ERBIN: variants seen among roughly 807,000 people sequenced by gnomAD.
ERBIN encodes densin-180-like protein.
ERBIN carries 60 observed loss-of-function variants against 158.4 expected under a neutral mutation model. The ratio of observed to expected loss-of-function variants is 0.38; its 90% CI spans 0.31 to 0.47. The LOEUF (loss-of-function observed/expected upper bound fraction) is 0.47. Among genes scored for constraint, ERBIN ranks in the 20% least tolerant of loss-of-function variants. The pLI is 0.99. For synonymous variants in ERBIN, 594 were observed against 557.2 expected, an observed-to-expected ratio of 1.07 and a Z score of -0.93; for missense variants, 1,610 against 1,648.0, an observed-to-expected ratio of 0.98 and a Z score of 0.40.
Position 65,930,849 on chromosome 5 carries a change from A to C in ERBIN, c.-58+4043A>C, listed in dbSNP as rs190638195. Among the ~76,000 whole-genome samples, 8 of 152,328 alleles carry C rather than the reference A, an allele frequency of 5.3e-5. No homozygotes were observed. In the East Asian group the frequency reaches 1.5e-3, roughly 29 times the overall value. On this transcript the variant is annotated intron_variant, in intron 1 of 25. Coordinates refer to ENST00000284037, the MANE Select transcript of ERBIN (RefSeq NM_001253697.2). ...TTTCAAGTTAGATGTCTTCTCTGAC[A>C]CAGAATCCCTAAAATTTTGAAATTA...
chr5:65,985,527 C>G (rs936872310), intron 1 of ERBIN, among the ~76,000 whole-genome samples: 22 of 152,238 alleles, frequency 1.4e-4, no homozygotes, highest in African/African-American at 5.1e-4. Context: ...GCAATTACAG[C>G]CAAGATTTGT....
chr5:65,959,037 A>G (rs750002889), intron 1 of ERBIN, among the ~76,000 whole-genome samples: 8 of 152,170 alleles, frequency 5.3e-5, no homozygotes, highest in Admixed American at 1.3e-4. Context: ...CTAAGGGTAA[A>G]TTTTTAAAAG....
intron 14 of ERBIN, among the ~76,000 whole-genome samples, chr5:66,035,123 A>G (rs1580420175): frequency 6.6e-6 from 1 of 152,064 alleles, no homozygotes; most frequent in East Asian, 1.9e-4. Flanking sequence ...TGTGCCTTAC[A>G]TGTTTGTGCT....
At chr5:66,004,305 G>A (rs1013272160) in intron 4 of ERBIN, among the ~76,000 whole-genome samples, 6 of 152,088 alleles carry the variant, frequency 3.9e-5, no homozygotes, top group East Asian at 1.9e-4. Flanking sequence ...TATTGAAGTC[G>A]TGATAATTAG....
intron 4 of ERBIN, among the ~76,000 whole-genome samples, chr5:66,009,586 TTTAGAGA>T (rs1753987921): frequency 1.3e-5 from 2 of 152,012 alleles, no homozygotes; most frequent in African/African-American, 2.4e-5. Context: ...TTTCATTGAG[TTTAGAGA>T]TCAGGATAGG....
Position 66,044,327 on chromosome 5 carries a change from G to T in ERBIN, c.1602+17G>T. The T allele has an allele frequency of 1.3e-6, 2 of 1,570,996 alleles. No individual in the cohort carries two copies. The highest frequency in any genetic ancestry group is 8.6e-7 in the Non-Finnish European group (1 of 1,165,824). The stretch of plus-strand genomic sequence containing the variant: ...GGTGTGAAGGTTAGAAAATTCAAAA[G>T]GATTAACCAAAGCCTATTTCAAGTT... On this transcript the variant is annotated intron_variant, in intron 17 of 25. Transcript: ENST00000284037.
intron 7 of ERBIN, among the ~76,000 whole-genome samples, 169 bp downstream of exon 7, chr5:66,014,894 C>T (rs535728800): frequency 2.4e-4 from 37 of 152,194 alleles, no homozygotes; most frequent in African/African-American, 8.9e-4. Flanking sequence ...ATGTATGTGT[C>T]TGTTGTTGGT....
chr5:65,995,517 C>G lies in ERBIN; in HGVS notation c.307+653C>G, dbSNP rs151047074. 1.8e-3 allele frequency among the ~76,000 whole-genome samples: 279 copies of G among 152,052 alleles called. 1 individual carries two copies. Among genetic ancestry groups the G allele is most frequent in the African/African-American group, 6.4e-3 (265 of 41,460 alleles). On this transcript the variant is annotated intron_variant, in intron 4 of 25. Coordinates refer to ENST00000284037, the MANE Select transcript of ERBIN (RefSeq NM_001253697.2). The stretch of plus-strand genomic sequence containing the variant: ...TTGTGTATATCATATTTTCTTCATT[C>G]ATTCATCCGTTGATGGACACTTAGG...
chr5:66,029,950 A>T (rs1444858873), intron 14 of ERBIN, among the ~76,000 whole-genome samples: 10 of 152,088 alleles, frequency 6.6e-5, no homozygotes, highest in Non-Finnish European at 8.8e-5. Context: ...ATTTATGTTA[A>T]TCCATGGTTA....
chr5:65,949,658 A>G (rs1746260567), intron 1 of ERBIN, among the ~76,000 whole-genome samples: 1 of 152,234 alleles, frequency 6.6e-6, no homozygotes, highest in Non-Finnish European at 1.5e-5. Flanking sequence ...GATTCTTAGT[A>G]TCAACATCTT....
chr5:66,054,741 A>T lies in ERBIN; in HGVS notation c.3423A>T (p.Arg1141Ser). 6.2e-7 allele frequency: 1 copy of T among 1,614,112 alleles called. No individual in the cohort carries two copies. The highest frequency in any genetic ancestry group is 1.3e-5 in the African/African-American group (1 of 75,024). ...TYSIDGPNAS[R>S]PQSARPSINE... ...GCATAGATGGTCCAAATGCATCAAG[A>T]CCTCAGAGTGCTCGACCCTCTATTA... The change falls in exon 21 of 26, where the codon AGA becomes AGT. Residue 1141 changes from arginine (R) to serine (S), a missense_variant. This residue lies in a region of ERBIN where 1,014 missense variants were observed against 936.1 expected (regional missense o/e 1.08). Transcript: ENST00000284037.
At chr5:66,029,749 C>T (rs374915717) in intron 14 of ERBIN, among the ~76,000 whole-genome samples, 38 of 152,102 alleles carry the variant, frequency 2.5e-4, no homozygotes, top group African/African-American at 8.9e-4. Context: ...GGACTACAGG[C>T]ATGTGCCGCC....
intron 1 of ERBIN, among the ~76,000 whole-genome samples, chr5:65,981,550 A>G (rs1157874252): frequency 6.6e-6 from 1 of 152,190 alleles, no homozygotes; most frequent in Non-Finnish European, 1.5e-5. Context: ...TTACTGGTAT[A>G]AAAAATGAGG....
At chr5:65,943,412 T>C (rs1745313114) in intron 1 of ERBIN, among the ~76,000 whole-genome samples, 1 of 152,268 alleles carries the variant, frequency 6.6e-6, no homozygotes, top group Admixed American at 6.5e-5. Context: ...ATCTCTTCTT[T>C]AAAAATGATT....
chr5:65,970,444 G>A (rs1010654293), intron 1 of ERBIN, among the ~76,000 whole-genome samples: 2 of 151,824 alleles, frequency 1.3e-5, no homozygotes, highest in Non-Finnish European at 1.5e-5. Flanking sequence ...CTATCCTACC[G>A]AAGTTTGTCT....
chr5:65,987,129 T>C (rs1751318219), intron 1 of ERBIN, among the ~76,000 whole-genome samples: 1 of 152,142 alleles, frequency 6.6e-6, no homozygotes. Context: ...CAAAGCAGAC[T>C]TCAGAATATA....
chr5:66,024,541 A>G, intron 10 of ERBIN, 91 bp downstream of exon 10: 1 of 1,234,768 alleles, frequency 8.1e-7, no homozygotes. Context: ...TGAGGTAGTT[A>G]TACTTCGTTA....
At chr5:65,976,475 CA>C (rs1457163819) in intron 1 of ERBIN, among the ~76,000 whole-genome samples, 2 of 149,674 alleles carry the variant, frequency 1.3e-5, no homozygotes, top group African/African-American at 2.4e-5. Flanking sequence ...TGTCTCACCC[CA>C]AAAAAAGAAA....
intron 4 of ERBIN, among the ~76,000 whole-genome samples, chr5:66,005,002 G>A (rs193073492): frequency 6.6e-6 from 1 of 152,082 alleles, no homozygotes; most frequent in African/African-American, 2.4e-5. Context: ...GACATTTACC[G>A]TCAGTAGAAT....
Sources: allele counts gnomAD v4.1 joint callset (sites outside exome capture counted in the v4.1 genomes callset), GRCh38; gene constraint gnomAD v4.1.1; regional missense constraint gnomAD v4.1.1; transcripts MANE v1.5; gene names NCBI Gene and HGNC (gene_info 2026-07-23, HGNC 2026-07-21).